Variants in CDH13 observed in about 807,000 individuals in gnomAD.
CDH13 encodes the protein cadherin-13.
Under a neutral mutation model 63.8 loss-of-function variants are expected in CDH13, and 24 were observed. The observed-to-expected ratio is 0.38, with a 90% confidence interval of 0.27 to 0.53. The LOEUF (loss-of-function observed/expected upper bound fraction) is 0.53. Among genes scored for constraint, CDH13 ranks in the 20% least tolerant of loss-of-function variants. CDH13 has a pLI of 0.85. For missense variants in CDH13, 1,049 were observed against 903.1 expected (o/e 1.16, Z -2.07); for synonymous variants, 503 against 355.3 (o/e 1.42, Z -4.67).
At chr16:83,323,104 C>G (rs761222931) in intron 5 of CDH13, among the ~76,000 whole-genome samples, 34 of 152,046 alleles carry the variant, frequency 2.2e-4, no homozygotes, top group Non-Finnish European at 4.0e-4. Flanking sequence ...CAGAATCAAT[C>G]AGCTACACCT....
chr16:82,882,931 C>T (rs963391334), intron 2 of CDH13, among the ~76,000 whole-genome samples: 5 of 152,142 alleles, frequency 3.3e-5, no homozygotes, highest in Non-Finnish European at 5.9e-5. Flanking sequence ...TATAAGCCTA[C>T]CCCTTTAATG....
intron 10 of CDH13, among the ~76,000 whole-genome samples, chr16:83,724,472 A>G (rs927475904): frequency 2.0e-5 from 3 of 152,044 alleles, no homozygotes; most frequent in South Asian, 4.2e-4. Flanking sequence ...TGATGAATGC[A>G]TGGATGAGTG....
At chr16:83,504,252 C>G (rs145684131) in intron 7 of CDH13, among the ~76,000 whole-genome samples, 3 of 152,278 alleles carry the variant, frequency 2.0e-5, no homozygotes, top group South Asian at 2.1e-4. Context: ...GCACAGGGCA[C>G]TAGAGAAGAG....
At chr16:83,290,958 C>T (rs889495690) in intron 5 of CDH13, among the ~76,000 whole-genome samples, 2 of 152,156 alleles carry the variant, frequency 1.3e-5, no homozygotes, top group African/African-American at 2.4e-5. Flanking sequence ...CCGTGAGGAG[C>T]CTCCTTCCAC....
chr16:83,161,609 T>G (rs550475235), intron 4 of CDH13, among the ~76,000 whole-genome samples: 1 of 152,260 alleles, frequency 6.6e-6, no homozygotes, highest in African/African-American at 2.4e-5. Context: ...CACCAGCATT[T>G]GTCTTGACAA....
chr16:83,538,564 A>C (rs2075239462), intron 7 of CDH13, among the ~76,000 whole-genome samples: 1 of 152,238 alleles, frequency 6.6e-6, no homozygotes, highest in African/African-American at 2.4e-5. Context: ...ATCCTAAAAT[A>C]ATAGGATGTC....
chr16:83,379,117 CTTTT>C (rs938174963), intron 6 of CDH13, among the ~76,000 whole-genome samples: 3 of 152,012 alleles, frequency 2.0e-5, no homozygotes, highest in African/African-American at 7.2e-5. Flanking sequence ...AATACAATGT[CTTTT>C]GTCTTCAACC....
intron 5 of CDH13, among the ~76,000 whole-genome samples, chr16:83,253,173 A>T (rs542671598): frequency 3.1e-4 from 47 of 152,272 alleles, no homozygotes; most frequent in Admixed American, 2.9e-3. Flanking sequence ...GAAAAGTTGC[A>T]TTTTTTGGTA....
At chr16:83,538,445 C>G (rs35314159) in intron 7 of CDH13, among the ~76,000 whole-genome samples, 55,359 of 152,066 alleles carry the variant, frequency 0.36, 11,336 homozygotes, top group Non-Finnish European at 0.45. Context: ...GGAAAAAATG[C>G]AGTCTGAATT....
chr16:82,701,824 A>G (rs1320536528), intron 1 of CDH13, among the ~76,000 whole-genome samples: 1 of 152,112 alleles, frequency 6.6e-6, no homozygotes, highest in Non-Finnish European at 1.5e-5. Flanking sequence ...GAACAAGGGG[A>G]CAGGATGCTC....
chr16:83,080,869 G>GTGTTTTTTTT lies in CDH13; in HGVS notation c.367-44514_367-44505dup, dbSNP rs1567810489. On this transcript the variant is annotated intron_variant, in intron 3 of 13. Coordinates refer to ENST00000567109, the MANE Select transcript of CDH13 (RefSeq NM_001257.5). ...CAAGATAGAGTTTTGTTTTGTTTTTGTGTTTTTTTTTTTTTTTTTTTTTTT... is the reference window on the plus strand; with the variant it reads ...CAAGATAGAGTTTTGTTTTGTTTTTGTGTTTTTTTTTGTTTTTTTTTTTTTTTTTTTTTTT... Among the ~76,000 whole-genome samples the GTGTTTTTTTT allele has an allele frequency of 5.8e-4, 22 of 37,822 alleles. 1 individual carries two copies. Among genetic ancestry groups the GTGTTTTTTTT allele is most frequent in the African/African-American group, 2.2e-3 (21 of 9,432 alleles). The allele number at this position is 37,822 out of a possible 152,430, so 24.8% of individuals were successfully genotyped here.
chr16:82,912,845 A>G (rs1347927846), intron 2 of CDH13, among the ~76,000 whole-genome samples: 2 of 151,714 alleles, frequency 1.3e-5, no homozygotes, highest in Non-Finnish European at 2.9e-5. Flanking sequence ...TGGGAGGCTG[A>G]GGCAGGAGAA....
intron 1 of CDH13, among the ~76,000 whole-genome samples, chr16:82,702,393 T>C (rs2031106988): frequency 6.6e-6 from 1 of 152,168 alleles, no homozygotes; most frequent in Non-Finnish European, 1.5e-5. Context: ...TGCTAGACAC[T>C]GACAGTGTGA....
intron 10 of CDH13, among the ~76,000 whole-genome samples, chr16:83,700,213 T>G (rs1352138146): frequency 3.9e-5 from 6 of 152,206 alleles, no homozygotes; most frequent in Non-Finnish European, 5.9e-5. Flanking sequence ...CTCCTTCTGC[T>G]CAGCACAATT....
intron 7 of CDH13, among the ~76,000 whole-genome samples, chr16:83,573,025 C>T (rs576229881): frequency 6.4e-4 from 97 of 152,246 alleles, no homozygotes; most frequent in Non-Finnish European, 9.3e-4. Flanking sequence ...CGTTGACATA[C>T]GCAATATTTT....
At chr16:82,651,031 C>T (rs766483298) in intron 1 of CDH13, among the ~76,000 whole-genome samples, 9 of 152,114 alleles carry the variant, frequency 5.9e-5, no homozygotes, top group East Asian at 3.9e-4. Context: ...GGGGAGAAAA[C>T]GGTACCCTCT....
chr16:83,472,848 C>T lies in CDH13; in HGVS notation c.782-13629C>T, dbSNP rs530126831. On this transcript the variant is annotated intron_variant, in intron 6 of 13. Transcript: ENST00000567109. ...CTGGCCCTGTTTCATTCAGAGGATA[C>T]GAGGGTGAATCAAATGTGCATTGTT... Among the ~76,000 whole-genome samples, 4 of 152,184 alleles carry T rather than the reference C, an allele frequency of 2.6e-5. No individual in the cohort carries two copies. The South Asian group carries it at 6.2e-4, about 24-fold the overall frequency.
intron 8 of CDH13, among the ~76,000 whole-genome samples, chr16:83,660,142 G>A (rs972627876): frequency 9.9e-5 from 15 of 152,146 alleles, no homozygotes; most frequent in East Asian, 3.9e-4. Flanking sequence ...GTTTTTCCAC[G>A]GACCAGGATT....
At chr16:83,398,908 G>A (rs1567645325) in intron 6 of CDH13, among the ~76,000 whole-genome samples, 1 of 152,194 alleles carries the variant, frequency 6.6e-6, no homozygotes, top group South Asian at 2.1e-4. Context: ...TATTTGCAGA[G>A]ATAGGACAAA....
Sources: gnomAD v4.1 joint callset for allele counts (sites outside exome capture counted in the v4.1 genomes callset) on GRCh38, gnomAD v4.1.1 for gene constraint, MANE v1.5 for transcripts, NCBI Gene and HGNC (gene_info 2026-07-23, HGNC 2026-07-21) for gene names.